The following NUMB variants were observed in gnomAD, a reference collection of about 807,000 sequenced individuals.
NUMB encodes the protein protein numb homolog.
A neutral mutation model predicts 59.7 loss-of-function variants in NUMB; 29 were observed. That is an observed-to-expected ratio of 0.49 (90% CI 0.36 to 0.66). NUMB has a LOEUF of 0.66. Among genes scored for constraint, NUMB ranks in the 30% least tolerant of loss-of-function variants. The pLI, the probability that NUMB is intolerant of heterozygous loss-of-function variation, is 0.00. For synonymous variants in NUMB, 288 were observed against 288.2 expected, an observed-to-expected ratio of 1.00 and a Z score of 0.01; for missense variants, 723 against 822.0, an observed-to-expected ratio of 0.88 and a Z score of 1.47.
chr14:73,330,878 G>C (rs1891939277), intron 4 of NUMB, among the ~76,000 whole-genome samples: 1 of 152,178 alleles, frequency 6.6e-6, no homozygotes, highest in Non-Finnish European at 1.5e-5. Context: ...CTGTCTGCAA[G>C]CTGGAAACCC....
intron 2 of NUMB, among the ~76,000 whole-genome samples, chr14:73,368,241 C>T (rs910314669): frequency 2.0e-5 from 3 of 152,016 alleles, no homozygotes; most frequent in African/African-American, 7.2e-5. Flanking sequence ...GAAAATTACA[C>T]AAGCAAAATT....
At chr14:73,354,435 T>C (rs1226555522) in intron 4 of NUMB, among the ~76,000 whole-genome samples, 10 of 144,060 alleles carry the variant, frequency 6.9e-5, no homozygotes, top group African/African-American at 2.6e-4. Flanking sequence ...CGCTTGAACC[T>C]AGGAGACGGA....
rs71450219 is a variant in NUMB, at chr14:73,353,072, G to GTTTTTCTTTTTTTTTTTTTTTTTTTTTT, written c.126+2553_126+2554insAAAAAAAAAAAAAAAAAAAAAAGAAAAA. Among the ~76,000 whole-genome samples, 48 of 58,522 alleles carry GTTTTTCTTTTTTTTTTTTTTTTTTTTTT rather than the reference G, an allele frequency of 8.2e-4. 12 individuals carry two copies. Among genetic ancestry groups the GTTTTTCTTTTTTTTTTTTTTTTTTTTTT allele is most frequent in the Middle Eastern group, 0.019 (1 of 54 alleles). The allele number at this position is 58,522 out of a possible 152,430, so 38.4% of individuals were successfully genotyped here. ...CTTAATGGATGCCACAGTTTTTCTT[G>GTTTTTCTTTTTTTTTTTTTTTTTTTTTT]TTTTTTTTTTTTTTTTTTTTTTTTT... On this transcript the variant is annotated intron_variant, in intron 4 of 12. Transcript: ENST00000555238.
chr14:73,357,903 A>G (rs982839549), intron 3 of NUMB, among the ~76,000 whole-genome samples: 2 of 148,640 alleles, frequency 1.3e-5, no homozygotes, highest in African/African-American at 4.9e-5. Context: ...AAAAAAAAAA[A>G]CCCACCAAAA....
Position 73,276,628 on chromosome 14 carries a change from T to C in NUMB, c.1906A>G (p.Thr636Ala). 1 of 1,614,080 alleles carries C rather than the reference T, an allele frequency of 6.2e-7. No individual in the cohort carries two copies. Among genetic ancestry groups the C allele is most frequent in the Non-Finnish European group, 8.5e-7 (1 of 1,179,980 alleles). Residue 636 changes from threonine (T) to alanine (A), a missense_variant, in exon 13 of 13, where the codon ACC (threonine) becomes GCC (alanine). Thr to Ala is a moderately conservative substitution (Grantham distance 58). This residue lies in a region of NUMB where 406 missense variants were observed against 385.4 expected (regional missense o/e 1.05). Coordinates refer to ENST00000555238, the MANE Select transcript of NUMB (RefSeq NM_001005743.2). ...KSKQRTNPSPTNPFSSDLQKT... is the reference protein window; with the variant it reads ...KSKQRTNPSPANPFSSDLQKT... ...TGTAAGTCACTGGAGAAAGGGTTGG[T>C]AGGGGAGGGATTAGTACGCTGCTTG...
At chr14:73,454,216 T>C (rs1342743714) in intron 1 of NUMB, among the ~76,000 whole-genome samples, 1 of 151,924 alleles carries the variant, frequency 6.6e-6, no homozygotes, top group South Asian at 2.1e-4. Flanking sequence ...GTTGAATTTT[T>C]TTTTAAAAAA....
chr14:73,444,673 C>T (rs1883333280), intron 1 of NUMB, among the ~76,000 whole-genome samples: 1 of 151,866 alleles, frequency 6.6e-6, no homozygotes, highest in Non-Finnish European at 1.5e-5. Context: ...TCCTGGCCAA[C>T]ATGGTGAAAC....
chr14:73,417,442 A>G (rs1444732072), intron 1 of NUMB, among the ~76,000 whole-genome samples: 4 of 151,986 alleles, frequency 2.6e-5, no homozygotes, highest in Non-Finnish European at 4.4e-5. Context: ...CAACTGAGCC[A>G]TACCGCTATC....
chr14:73,283,609 C>T (rs1002402806), intron 10 of NUMB, among the ~76,000 whole-genome samples: 3 of 152,220 alleles, frequency 2.0e-5, no homozygotes, highest in Non-Finnish European at 4.4e-5. Flanking sequence ...TAGATGTACA[C>T]GAAAGACCTG....
chr14:73,432,913 G>C (rs1439572004), intron 1 of NUMB, among the ~76,000 whole-genome samples: 1 of 152,112 alleles, frequency 6.6e-6, no homozygotes, highest in African/African-American at 2.4e-5. Context: ...AAAGAAAGAA[G>C]AGAATTTTTG....
At chr14:73,348,041 T>A (rs1893005932) in intron 4 of NUMB, among the ~76,000 whole-genome samples, 1 of 152,318 alleles carries the variant, frequency 6.6e-6, no homozygotes, top group East Asian at 1.9e-4. Flanking sequence ...TACTCCCAAA[T>A]TTGTTATTCC....
intron 2 of NUMB, among the ~76,000 whole-genome samples, chr14:73,374,699 A>G (rs1220563795): frequency 6.7e-6 from 1 of 148,270 alleles, no homozygotes; most frequent in Non-Finnish European, 1.5e-5. Context: ...ACTTTTTTTT[A>G]GCCCTTTAAG....
intron 1 of NUMB, among the ~76,000 whole-genome samples, chr14:73,415,188 GTGCT>G (rs66997823): frequency 0.55 from 83,925 of 151,488 alleles, 24,171 homozygotes; most frequent in East Asian, 0.83. Flanking sequence ...ACAGACTGTA[GTGCT>G]TGCTTCTCAT....
At chr14:73,350,070 T>TACACACACAC (rs765736029) in intron 4 of NUMB, among the ~76,000 whole-genome samples, 1,594 of 110,132 alleles carry the variant, frequency 0.014, 23 homozygotes, top group African/African-American at 0.041. Flanking sequence ...TATACATACA[T>TACACACACAC]ACATACATAC....
At chr14:73,373,788 G>A (rs1028374632) in intron 2 of NUMB, among the ~76,000 whole-genome samples, 3 of 147,896 alleles carry the variant, frequency 2.0e-5, no homozygotes, top group East Asian at 2.0e-4. Flanking sequence ...CTGTAACCTC[G>A]AACTCCTTGG....
chr14:73,288,129 T>G (rs1320506476), intron 8 of NUMB, among the ~76,000 whole-genome samples: 2 of 152,176 alleles, frequency 1.3e-5, no homozygotes, highest in East Asian at 3.8e-4. Context: ...TAAAAAGGAA[T>G]GAGGCTGGGC....
intron 1 of NUMB, among the ~76,000 whole-genome samples, chr14:73,424,425 G>T (rs1038037133): frequency 2.0e-5 from 3 of 151,986 alleles, no homozygotes; most frequent in Non-Finnish European, 2.9e-5. Flanking sequence ...TAACCATTAA[G>T]AACTTTATAA....
intron 2 of NUMB, among the ~76,000 whole-genome samples, chr14:73,386,867 A>ATATTTTTTTT (rs1895556863): frequency 1.3e-5 from 1 of 79,838 alleles, no homozygotes; most frequent in South Asian, 5.3e-4. Context: ...CAGGTGTCTT[A>ATATTTTTTTT]TTTTTTTTTT....
At chr14:73,366,159 A>G (rs1894333146) in intron 3 of NUMB, among the ~76,000 whole-genome samples, 1 of 152,222 alleles carries the variant, frequency 6.6e-6, no homozygotes, top group African/African-American at 2.4e-5. Flanking sequence ...TGCAATGACC[A>G]TGTTAGGCTC....
Sources: allele counts gnomAD v4.1 joint callset (sites outside exome capture counted in the v4.1 genomes callset), GRCh38; gene constraint gnomAD v4.1.1; regional missense constraint gnomAD v4.1.1; transcripts MANE v1.5; gene names NCBI Gene and HGNC (gene_info 2026-07-23, HGNC 2026-07-21).